Variants in PTPRA observed in about 807,000 individuals in gnomAD.
PTPRA encodes the protein receptor-type tyrosine-protein phosphatase alpha.
A neutral mutation model predicts 104.8 loss-of-function variants in PTPRA; 25 were observed. The ratio of observed to expected loss-of-function variants is 0.24; its 90% CI spans 0.17 to 0.33. PTPRA has a LOEUF of 0.33. Ranked by LOEUF, PTPRA falls within the 10% of genes least tolerant of loss-of-function variation. PTPRA has a pLI of 1.00. For missense variants in PTPRA, 765 were observed against 1,015.3 expected (o/e 0.75, Z 3.35); for synonymous variants, 323 against 368.9 (o/e 0.88, Z 1.43).
At chr20:2,938,305 C>A (rs944646918) in intron 2 of PTPRA, among the ~76,000 whole-genome samples, 54 of 152,156 alleles carry the variant, frequency 3.5e-4, no homozygotes, top group African/African-American at 1.2e-3. Context: ...CTGCGTCAGC[C>A]ACCCAAGTAG....
At chr20:2,865,960 T>C in the PTPRA span, 1 of 534,644 alleles carries the variant, frequency 1.9e-6, no homozygotes, top group Non-Finnish European at 3.4e-6. This position sits in a 1 kb window ranked among gnomAD's most constrained non-coding sequence, Gnocchi z 5.2. Flanking sequence ...GGGGTAATGG[T>C]GGGTGGTAGA....
intron 1 of PTPRA, among the ~76,000 whole-genome samples, chr20:2,907,756 A>G (rs145184749): frequency 6.6e-6 from 1 of 152,166 alleles, no homozygotes; most frequent in East Asian, 1.9e-4. Context: ...CAGTGTTGTA[A>G]CATCTATCAA....
At position 3,019,818 on chromosome 20, in the gene PTPRA, TC is replaced by T. The variant is rs2064753825; in HGVS notation, c.1042-1488del. ...TGAGTGAACGAGACTCCGTCTGCAA[TC>T]CCGGCACCTCGGGAGGCCGAGGCTG... On this transcript the variant is annotated intron_variant, in intron 13 of 23. Transcript: ENST00000399903. 2.0e-5 allele frequency among the ~76,000 whole-genome samples: 3 copies of T among 152,078 alleles called. No homozygotes were observed. In the East Asian group the frequency reaches 5.8e-4, roughly 29 times the overall value.
intron 3 of PTPRA, among the ~76,000 whole-genome samples, chr20:2,960,098 G>C (rs1180500200): frequency 6.6e-6 from 1 of 152,110 alleles, no homozygotes; most frequent in Non-Finnish European, 1.5e-5. Flanking sequence ...TATCACCCAA[G>C]CTTTGGTGTT....
At chr20:2,891,593 A>G (rs973423332) in intron 1 of PTPRA, among the ~76,000 whole-genome samples, 1 of 152,152 alleles carries the variant, frequency 6.6e-6, no homozygotes, top group Non-Finnish European at 1.5e-5. Flanking sequence ...TATATCTGTC[A>G]AGTCACTTAT....
At chr20:3,025,868 CAA>C (rs560575967) in intron 17 of PTPRA, among the ~76,000 whole-genome samples, 1,566 of 67,922 alleles carry the variant, frequency 0.023, 21 homozygotes, top group African/African-American at 0.064. Flanking sequence ...GACTCTGTCT[CAA>C]AAAAAAAAAA....
chr20:2,991,579 A>C (rs983974712), intron 9 of PTPRA, among the ~76,000 whole-genome samples: 1 of 152,032 alleles, frequency 6.6e-6, no homozygotes, highest in Non-Finnish European at 1.5e-5. Flanking sequence ...GCATGAAACG[A>C]ATTATTTGTT....
intron 6 of PTPRA, among the ~76,000 whole-genome samples, chr20:2,977,933 C>T (rs986805592): frequency 1.3e-5 from 2 of 151,980 alleles, no homozygotes; most frequent in Admixed American, 1.3e-4. Context: ...CTCATTATAT[C>T]TGGGGAGTGG....
At chr20:3,025,892 T>C (rs1261784582) in intron 17 of PTPRA, among the ~76,000 whole-genome samples, 1 of 151,274 alleles carries the variant, frequency 6.6e-6, no homozygotes, top group Non-Finnish European at 1.5e-5. Flanking sequence ...AAAAAGATAT[T>C]AGGTTCTGAT....
At chr20:2,941,555 A>G (rs2060921760) in intron 2 of PTPRA, among the ~76,000 whole-genome samples, 1 of 152,194 alleles carries the variant, frequency 6.6e-6, no homozygotes, top group South Asian at 2.1e-4. Flanking sequence ...ACACCCAGCT[A>G]AATGAAGTGT....
At chr20:2,951,926 G>T (rs1179507264) in intron 3 of PTPRA, among the ~76,000 whole-genome samples, 1 of 152,038 alleles carries the variant, frequency 6.6e-6, no homozygotes, top group Non-Finnish European at 1.5e-5. Flanking sequence ...GGATCACGAG[G>T]TCAAGAGATT....
intron 6 of PTPRA, among the ~76,000 whole-genome samples, chr20:2,976,576 T>C (rs1041775589): frequency 3.3e-5 from 5 of 152,196 alleles, no homozygotes; most frequent in African/African-American, 1.2e-4. Context: ...TAAATCTCCT[T>C]TCTTAAGTCA....
chr20:2,864,708 T>C, the PTPRA span: 2 of 1,577,942 alleles, frequency 1.3e-6, no homozygotes. This position sits in a 1 kb window ranked among gnomAD's most constrained non-coding sequence, Gnocchi z 5.2. Flanking sequence ...CTGGGGCTGT[T>C]GGTCCGGTTC....
chr20:3,008,786 G>A (rs1040648169), intron 11 of PTPRA, among the ~76,000 whole-genome samples: 1 of 150,088 alleles, frequency 6.7e-6, no homozygotes, highest in Non-Finnish European at 1.5e-5. Flanking sequence ...GGTGGCAGGC[G>A]CCTGTAATCC....
Position 3,022,195 on chromosome 20 carries a change from G to T in PTPRA, c.1303G>T (p.Ala435Ser). 1.2e-6 allele frequency: 2 copies of T among 1,614,204 alleles called. No homozygotes were observed. Among genetic ancestry groups the T allele is most frequent in the Non-Finnish European group, 1.7e-6 (2 of 1,180,026 alleles). Residue 435 changes from alanine to serine, a missense_variant, in exon 15 of 24, where the codon GCA (alanine) becomes TCA (serine). This residue lies in a region of PTPRA where 245 missense variants were observed against 398.7 expected (regional missense o/e 0.61). Coordinates refer to ENST00000399903, the MANE Select transcript of PTPRA (RefSeq NM_001385305.1). This position sits in a 1 kb window ranked among gnomAD's most constrained non-coding sequence, Gnocchi z 4.6. Reference protein sequence around the residue: ...KKVKACNPQYAGAIVVHCSAG... With the variant: ...KKVKACNPQYSGAIVVHCSAG... ...GGTGAAGGCCTGTAACCCTCAGTAT[G>T]CAGGGGCCATCGTGGTCCACTGCAG...
chr20:3,009,879 C>G (rs1243527991), intron 11 of PTPRA, among the ~76,000 whole-genome samples: 1 of 151,248 alleles, frequency 6.6e-6, no homozygotes, highest in Non-Finnish European at 1.5e-5. Context: ...GAGACAGTCT[C>G]ACCCCGACAC....
chr20:3,026,975 A>G, intron 18 of PTPRA, 146 bp from the exon 19 acceptor site: 1 of 1,023,420 alleles, frequency 9.8e-7, no homozygotes, highest in Non-Finnish European at 1.5e-6. Context: ...CGTAAAAGCC[A>G]AAGGCTTTCT....
intron 1 of PTPRA, among the ~76,000 whole-genome samples, chr20:2,901,675 C>T (rs184504621): frequency 1.6e-4 from 24 of 152,130 alleles, no homozygotes; most frequent in African/African-American, 5.8e-4. Context: ...ATTGACTCTG[C>T]TCCCTAATTT....
chr20:3,035,413 G>C lies in PTPRA; in HGVS notation c.1921-172G>C, dbSNP rs2065747202. 6.6e-6 allele frequency among the ~76,000 whole-genome samples: 1 copy of C among 152,148 alleles called. No individual in the cohort carries two copies. On this transcript the variant is annotated intron_variant, in intron 20 of 23. Transcript: ENST00000399903. This position sits in a 1 kb window ranked among gnomAD's most constrained non-coding sequence, Gnocchi z 5.8. ...TAGATGGTCTCTGGTGAGGATCGGAGGTTAATTGGAATGATGTGATATAAT... is the reference window on the plus strand; with the variant it reads ...TAGATGGTCTCTGGTGAGGATCGGACGTTAATTGGAATGATGTGATATAAT...
Sources: gnomAD v4.1 joint callset for allele counts (sites outside exome capture counted in the v4.1 genomes callset) on GRCh38, gnomAD v4.1.1 for gene constraint, gnomAD v4.1.1 regional missense constraint, Gnocchi (gnomAD v3.1) non-coding constraint, MANE v1.5 for transcripts, NCBI Gene and HGNC (gene_info 2026-07-23, HGNC 2026-07-21) for gene names.